Variants in GPC6 observed in about 807,000 individuals in gnomAD.
GPC6 encodes the protein glypican 6, also known as glypican-6.
Under a neutral mutation model 55.2 loss-of-function variants are expected in GPC6, and 14 were observed. The observed-to-expected ratio is 0.25, with a 90% confidence interval of 0.17 to 0.40. The LOEUF (loss-of-function observed/expected upper bound fraction) is 0.40, where lower values mean the gene tolerates loss of function less well. Ranked by LOEUF, GPC6 falls within the 10% of genes least tolerant of loss-of-function variation. GPC6 has a pLI of 1.00. For missense variants in GPC6, 641 were observed against 708.5 expected (o/e 0.90, Z 1.08); for synonymous variants, 278 against 259.6 (o/e 1.07, Z -0.68).
chr13:93,873,614 C>T (rs964493662), intron 3 of GPC6, among the ~76,000 whole-genome samples: 2 of 151,882 alleles, frequency 1.3e-5, no homozygotes, highest in African/African-American at 2.4e-5. Flanking sequence ...TCTGGCCCCA[C>T]CTGTCAATAG....
chr13:94,144,747 T>C (rs1168051798), intron 4 of GPC6, among the ~76,000 whole-genome samples: 3 of 152,126 alleles, frequency 2.0e-5, no homozygotes. Flanking sequence ...CAGAGTGATC[T>C]TTGAGGATAG....
intron 2 of GPC6, among the ~76,000 whole-genome samples, chr13:93,630,539 T>G (rs1230341309): frequency 6.6e-6 from 1 of 152,160 alleles, no homozygotes; most frequent in African/African-American, 2.4e-5. Flanking sequence ...TTAGTTTTTC[T>G]TCCTGGAAAA....
At chr13:93,567,559 A>G (rs886730834) in intron 2 of GPC6, among the ~76,000 whole-genome samples, 3 of 151,836 alleles carry the variant, frequency 2.0e-5, no homozygotes, top group Non-Finnish European at 2.9e-5. Flanking sequence ...TCCTGACCTC[A>G]TGATCTGCCC....
intron 4 of GPC6, among the ~76,000 whole-genome samples, chr13:94,217,649 G>A: frequency 6.6e-6 from 1 of 152,086 alleles, no homozygotes; most frequent in East Asian, 1.9e-4. Context: ...CTCAAACTAT[G>A]AAAAACTGCT....
At chr13:93,796,521 T>A (rs1566540298) in intron 2 of GPC6, among the ~76,000 whole-genome samples, 1 of 151,960 alleles carries the variant, frequency 6.6e-6, no homozygotes, top group Non-Finnish European at 1.5e-5. Context: ...TTGAAAAAAA[T>A]GACATTCTGA....
intron 1 of GPC6, among the ~76,000 whole-genome samples, chr13:93,349,588 A>G (rs1318338353): frequency 2.0e-5 from 3 of 152,198 alleles, no homozygotes; most frequent in Non-Finnish European, 4.4e-5. Flanking sequence ...CTTTTAAGGG[A>G]GCATATTTAG....
In GPC6 at chr13:93,256,367, G is replaced by A. The variant is rs149490585; in HGVS notation, c.160+28751G>A. Among the ~76,000 whole-genome samples the A allele has an allele frequency of 6.3e-3, 955 of 151,690 alleles. 13 individuals carry two copies. Among genetic ancestry groups the A allele is most frequent in the African/African-American group, 0.022 (903 of 41,350 alleles). ...TTTTTTCCTTAAAATGCGTTTAGTA[G>A]GAATAATTTATCTCTCCTCTTACCT... is the stretch of plus-strand genomic sequence containing the variant. On this transcript the variant is annotated intron_variant, in intron 1 of 8. Coordinates refer to ENST00000377047, the MANE Select transcript of GPC6 (RefSeq NM_005708.5).
intron 1 of GPC6, among the ~76,000 whole-genome samples, chr13:93,238,249 G>A (rs922374718): frequency 2.6e-5 from 4 of 151,970 alleles, no homozygotes; most frequent in Non-Finnish European, 4.4e-5. Flanking sequence ...TTTCCTCAGC[G>A]TTTTGTAGCT....
At chr13:93,942,626 G>A (rs867767904) in intron 3 of GPC6, among the ~76,000 whole-genome samples, 1 of 152,100 alleles carries the variant, frequency 6.6e-6, no homozygotes, top group Admixed American at 6.6e-5. Context: ...CCGGCCCACA[G>A]TGTCTTTTAA....
At position 93,374,742 on chromosome 13, in the gene GPC6, G is replaced by A. The variant is rs539506381; in HGVS notation, c.160+147126G>A. ...TAATTAAGCAATTACTACTATGGTA[G>A]CTATTACTACCTACCTGTTTTCTTC... On this transcript the variant is annotated intron_variant, in intron 1 of 8. Coordinates refer to ENST00000377047, the MANE Select transcript of GPC6 (RefSeq NM_005708.5). Among the ~76,000 whole-genome samples, 15 of 152,216 alleles carry A rather than the reference G, an allele frequency of 9.9e-5. No homozygotes were observed. The South Asian group carries it at 3.1e-3, about 32-fold the overall frequency.
chr13:93,680,954 A>G (rs1404572792), intron 2 of GPC6, among the ~76,000 whole-genome samples: 5 of 152,194 alleles, frequency 3.3e-5, no homozygotes, highest in Admixed American at 6.6e-5. Flanking sequence ...AGACTGGGCA[A>G]GTGACTGGGA....
intron 1 of GPC6, among the ~76,000 whole-genome samples, chr13:93,436,198 G>A (rs1325269115): frequency 2.6e-5 from 4 of 152,114 alleles, no homozygotes; most frequent in Admixed American, 2.0e-4. Context: ...CTACTTGAAA[G>A]ACAAGACACT....
At chr13:93,699,404 G>T (rs1882592525) in intron 2 of GPC6, among the ~76,000 whole-genome samples, 2 of 152,058 alleles carry the variant, frequency 1.3e-5, no homozygotes, top group African/African-American at 4.8e-5. Context: ...GAGTGGAGGA[G>T]TGTGTGCACA....
At chr13:93,595,064 GA>G (rs1456920548) in intron 2 of GPC6, among the ~76,000 whole-genome samples, 8 of 152,046 alleles carry the variant, frequency 5.3e-5, no homozygotes, top group African/African-American at 1.7e-4. Context: ...GCATAGTTTT[GA>G]CATTCTTTTT....
intron 2 of GPC6, among the ~76,000 whole-genome samples, chr13:93,734,953 T>C (rs1328182752): frequency 6.6e-6 from 1 of 152,102 alleles, no homozygotes; most frequent in African/African-American, 2.4e-5. Context: ...TTACAAGGTT[T>C]CCCCTAATAT....
intron 1 of GPC6, among the ~76,000 whole-genome samples, chr13:93,410,680 T>C (rs574403879): frequency 6.6e-5 from 10 of 152,312 alleles, no homozygotes; most frequent in African/African-American, 2.4e-4. Context: ...TAATGGACTT[T>C]ATTTTTCATG....
intron 3 of GPC6, among the ~76,000 whole-genome samples, chr13:93,869,095 G>A (rs142664706): frequency 1.8e-3 from 270 of 151,864 alleles, no homozygotes; most frequent in Admixed American, 4.1e-3. Context: ...AAAATACATT[G>A]AAAGTGATTA....
chr13:93,774,129 T>C (rs1208363679), intron 2 of GPC6, among the ~76,000 whole-genome samples: 3 of 152,168 alleles, frequency 2.0e-5, no homozygotes, highest in Non-Finnish European at 2.9e-5. Flanking sequence ...CACTCAAAAC[T>C]ATGAAGACTG....
intron 3 of GPC6, among the ~76,000 whole-genome samples, chr13:93,978,115 T>C (rs1325082418): frequency 2.0e-5 from 3 of 152,148 alleles, no homozygotes; most frequent in Non-Finnish European, 4.4e-5. Context: ...TGAGAAAAAC[T>C]TCACCAGCTT....
Sources: allele counts gnomAD v4.1 joint callset (sites outside exome capture counted in the v4.1 genomes callset), GRCh38; gene constraint gnomAD v4.1.1; transcripts MANE v1.5; gene names NCBI Gene and HGNC (gene_info 2026-07-23, HGNC 2026-07-21).